The following SELP variants were observed in gnomAD, a reference collection of about 807,000 sequenced individuals.
SELP encodes the protein selectin P.
SELP carries 92 observed loss-of-function variants against 104.1 expected under a neutral mutation model. The observed-to-expected ratio is 0.88, with a 90% CI of 0.75 to 1.05. SELP has a LOEUF of 1.05. Among genes scored for constraint, SELP ranks in the 50% least tolerant of loss-of-function variants. The pLI is 0.00. For missense variants in SELP, 1,022 were observed against 1,017.3 expected, an observed-to-expected ratio of 1.00 and a Z score of -0.06; for synonymous variants, 397 against 364.5, an observed-to-expected ratio of 1.09 and a Z score of -1.01.
chr1:169,593,278 G>T (rs1408798048), intron 14 of SELP, among the ~76,000 whole-genome samples: 5 of 152,110 alleles, frequency 3.3e-5, no homozygotes, highest in Non-Finnish European at 5.9e-5. Flanking sequence ...GATAGCCTAG[G>T]GTACTTAGAC....
At chr1:169,610,211 A>C (rs1255865228) in intron 7 of SELP, among the ~76,000 whole-genome samples, 2 of 151,828 alleles carry the variant, frequency 1.3e-5, no homozygotes, top group Admixed American at 6.6e-5. Flanking sequence ...AGCATAGCTT[A>C]TTGTTGACAC....
At position 169,612,332 on chromosome 1, in the gene SELP, G is replaced by A; in HGVS notation, c.846C>T (p.Phe282=). The A allele has an allele frequency of 1.2e-6, 2 of 1,614,092 alleles. No individual in the cohort carries two copies. Among genetic ancestry groups the A allele is most frequent in the Non-Finnish European group, 1.7e-6 (2 of 1,179,992 alleles). The change falls in exon 6 of 17, where the codon TTC becomes TTT. Residue 282 remains phenylalanine (F), a synonymous_variant. Transcript: ENST00000263686. ...NMTCLHSAKA[F]QHQSSCSFSC... ...TGAAGCTGCAGCTAGACTGATGCTG[G>A]AATGCTTTTGCAGAATGAAGGCAGG...
intron 14 of SELP, among the ~76,000 whole-genome samples, chr1:169,593,318 A>C (rs1322943288): frequency 3.9e-5 from 6 of 152,206 alleles, no homozygotes; most frequent in Admixed American, 1.3e-4. Context: ...ACTGCAAAGT[A>C]GCCTCATTTG....
intron 9 of SELP, among the ~76,000 whole-genome samples, chr1:169,606,280 A>G (rs867039754): frequency 5.3e-4 from 80 of 152,272 alleles, no homozygotes; most frequent in Middle Eastern, 6.8e-3. Flanking sequence ...TTGTGCCATT[A>G]CACTCCAGCC....
chr1:169,603,305 C>CTGTGTGTGTGTG lies in SELP; in HGVS notation c.1520-95_1520-94insCACACACACACA, dbSNP rs1484274963. ...TCTCTCTCTCTTTCTCCCTCTCTCT[C>CTGTGTGTGTGTG]TCTGTGTGTGTGTGTGTGTGTGTGT... On this transcript the variant is annotated intron_variant, in intron 9 of 16. Coordinates refer to ENST00000263686, the MANE Select transcript of SELP (RefSeq NM_003005.4). 3.3e-3 allele frequency: 2,119 copies of CTGTGTGTGTGTG among 645,546 alleles called. 3 individuals are homozygous for CTGTGTGTGTGTG. Among genetic ancestry groups the CTGTGTGTGTGTG allele is most frequent in the Admixed American group, 7.6e-3 (204 of 27,004 alleles). The allele number at this position is 645,546 out of a possible 1,614,324, so 40.0% of individuals were successfully genotyped here. A position where few individuals can be genotyped will look rare whatever the true frequency, so the allele number is the denominator to read the frequency against.
Position 169,595,909 on chromosome 1 carries a change from C to T in SELP, c.2101+16G>A, listed in dbSNP as rs774220440. 5.6e-6 allele frequency: 9 copies of T among 1,611,792 alleles called. No homozygotes were observed. The highest frequency in any genetic ancestry group is 1.1e-5 in the South Asian group (1 of 90,968). ...AGGAAGGCAGGTTCAGAACTGCCTG[C>T]TCCTTTTCACCTTACCTCTGCATGC... On this transcript the variant is annotated intron_variant, in intron 12 of 16. Transcript: ENST00000263686.
At chr1:169,615,775 T>C (rs1662778456) in intron 3 of SELP, among the ~76,000 whole-genome samples, 1 of 152,198 alleles carries the variant, frequency 6.6e-6, no homozygotes, top group Non-Finnish European at 1.5e-5. Context: ...ATGTTTTGCC[T>C]CAGCTAGGAG....
chr1:169,608,344 A>G (rs112760821), intron 8 of SELP, among the ~76,000 whole-genome samples: 79 of 152,212 alleles, frequency 5.2e-4, no homozygotes, highest in Middle Eastern at 6.8e-3. Flanking sequence ...CTCCGTATCC[A>G]TTAAACCATA....
intron 2 of SELP, 104 bp downstream of exon 2, chr1:169,619,025 C>G (rs926216930): frequency 1.2e-6 from 1 of 853,366 alleles, no homozygotes; most frequent in Non-Finnish European, 1.8e-6. Context: ...GACAGTTTTC[C>G]CATGCCTCAA....
chr1:169,625,151 T>G (rs1663315301), intron 1 of SELP, among the ~76,000 whole-genome samples: 1 of 152,184 alleles, frequency 6.6e-6, no homozygotes, highest in South Asian at 2.1e-4. Context: ...CAAACTTCAT[T>G]GCTGACATCC....
At chr1:169,628,190 C>T (rs1663470455) in intron 1 of SELP, among the ~76,000 whole-genome samples, 1 of 152,216 alleles carries the variant, frequency 6.6e-6, no homozygotes, top group Non-Finnish European at 1.5e-5. Flanking sequence ...GCCACTGAGC[C>T]CGGCCATAGC....
Position 169,596,129 on chromosome 1 carries a change from C to G in SELP, c.1897G>C (p.Ala633Pro). Residue 633 changes from alanine (A) to proline (P), a missense_variant, in exon 12 of 17, where the codon GCA (alanine) becomes CCA (proline). By Grantham distance (27) the Ala-to-Pro change is conservative. Coordinates refer to ENST00000263686, the MANE Select transcript of SELP (RefSeq NM_003005.4). Reference sequence around the variant, plus strand: ...TGCACCCCTGGAGTAGGAAGTGATGCTATGCCTGTTGTGAGAAAATGTTTC... The same window carrying G: ...TGCACCCCTGGAGTAGGAAGTGATGGTATGCCTGTTGTGAGAAAATGTTTC... ...SATPPTCKGI[A>P]SLPTPGVQCP... 1 of 1,613,406 alleles carries G rather than the reference C, an allele frequency of 6.2e-7. No homozygotes were observed. Among genetic ancestry groups the G allele is most frequent in the Non-Finnish European group, 8.5e-7 (1 of 1,179,546 alleles).
intron 10 of SELP, among the ~76,000 whole-genome samples, chr1:169,598,455 T>C (rs1004675410): frequency 4.9e-4 from 74 of 152,298 alleles, no homozygotes; most frequent in African/African-American, 1.4e-3. Context: ...TAACAAGCTA[T>C]TCATTGAAGG....
At chr1:169,616,093 G>A (rs1023196185) in intron 3 of SELP, among the ~76,000 whole-genome samples, 1 of 152,162 alleles carries the variant, frequency 6.6e-6, no homozygotes, top group African/African-American at 2.4e-5. Flanking sequence ...GGAAGACCAA[G>A]CTTTCAGGAA....
At position 169,619,140 on chromosome 1, in the gene SELP, G is replaced by A; in HGVS notation, c.83C>T (p.Ala28Val). Reference protein sequence around the residue: ...FGISQLLCFSALISELTNQKE... With the variant: ...FGISQLLCFSVLISELTNQKE... ...AGCATAAAGTTTACCAGAGATCAGG[G>A]CACTGAAGCAAAGGAGTTGGGAAAT... is the stretch of plus-strand genomic sequence containing the variant. Residue 28 changes from alanine (A) to valine (V), a missense_variant, in exon 2 of 17, where the codon GCC (alanine) becomes GTC (valine). By Grantham distance (64) the Ala-to-Val change is moderately conservative. Transcript: ENST00000263686. The A allele has an allele frequency of 1.2e-6, 2 of 1,612,914 alleles. No homozygotes were observed. Among genetic ancestry groups the A allele is most frequent in the Non-Finnish European group, 1.7e-6 (2 of 1,178,976 alleles).
rs1001872881 is a variant in SELP at position 169,611,778 on chromosome 1, G to A, written c.962-101C>T. On this transcript the variant is annotated intron_variant, in intron 6 of 16. Coordinates refer to ENST00000263686, the MANE Select transcript of SELP (RefSeq NM_003005.4). ...CACCTCTGAAATGCAGGTGGAGCTA[G>A]CAAGATGTAAAGGTCAAGAGACCCT... 1.5e-5 allele frequency: 18 copies of A among 1,189,092 alleles called. No homozygotes were observed. The Admixed American group carries it at 3.9e-4, about 26-fold the overall frequency. The allele number at this position is 1,189,092 out of a possible 1,614,324, so 73.7% of individuals were successfully genotyped here.
chr1:169,591,877 G>A lies in SELP; in HGVS notation c.2408-421C>T, dbSNP rs994800847. 4.6e-5 allele frequency among the ~76,000 whole-genome samples: 7 copies of A among 152,280 alleles called. No individual in the cohort carries two copies. In the East Asian group the frequency reaches 1.3e-3, roughly 29 times the overall value. On this transcript the variant is annotated intron_variant, in intron 14 of 16. Transcript: ENST00000263686. Reference sequence around the variant, plus strand: ...AGTTGAATTTTCAGCTATGGCTGCAGCATTTTCCTCTTATTTGGCCATAGA... The same window carrying A: ...AGTTGAATTTTCAGCTATGGCTGCAACATTTTCCTCTTATTTGGCCATAGA...
At chr1:169,597,927 C>T (rs1226852945) in intron 10 of SELP, among the ~76,000 whole-genome samples, 17 of 152,196 alleles carry the variant, frequency 1.1e-4, no homozygotes, top group Admixed American at 1.1e-3. Flanking sequence ...AGCCTGAACT[C>T]TTCTCCTCTG....
At chr1:169,605,623 A>G (rs1422392230) in intron 9 of SELP, among the ~76,000 whole-genome samples, 1 of 152,182 alleles carries the variant, frequency 6.6e-6, no homozygotes, top group Non-Finnish European at 1.5e-5. Flanking sequence ...GGTATGGCAA[A>G]TAATGTAGAA....
Sources: gnomAD v4.1 joint callset for allele counts (sites outside exome capture counted in the v4.1 genomes callset) on GRCh38, gnomAD v4.1.1 for gene constraint, MANE v1.5 for transcripts, NCBI Gene and HGNC (gene_info 2026-07-23, HGNC 2026-07-21) for gene names.